Variants in TENM2 observed in about 807,000 individuals in gnomAD.
The protein encoded by TENM2 is teneurin transmembrane protein 2, also known as teneurin-2.
A neutral mutation model predicts 245.2 loss-of-function variants in TENM2; 52 were observed. The ratio of observed to expected loss-of-function variants is 0.21; its 90% CI spans 0.17 to 0.27. The LOEUF is 0.27. Ranked by LOEUF, TENM2 falls within the 10% of genes least tolerant of loss-of-function variation. The pLI is 1.00. For synonymous variants in TENM2, 1,363 were observed against 1,438.9 expected, an observed-to-expected ratio of 0.95 and a Z score of 1.19; for missense variants, 3,046 against 3,666.8, an observed-to-expected ratio of 0.83 and a Z score of 4.37.
chr5:166,982,237 A>G, the TENM2 span, among the ~76,000 whole-genome samples: 1 of 152,096 alleles, frequency 6.6e-6, no homozygotes, highest in African/African-American at 2.4e-5. Context: ...CTTGTCAATC[A>G]CATTTGGCTG....
chr5:167,607,733 A>G (rs1262664619), intron 2 of TENM2, among the ~76,000 whole-genome samples: 1 of 152,102 alleles, frequency 6.6e-6, no homozygotes, highest in Non-Finnish European at 1.5e-5. Flanking sequence ...ATATTTACTG[A>G]GCAGATACTG....
the TENM2 span, among the ~76,000 whole-genome samples, chr5:167,001,475 C>A: frequency 2.0e-5 from 3 of 151,356 alleles, no homozygotes; most frequent in Admixed American, 2.0e-4. Flanking sequence ...TGATGACATG[C>A]GGGAACATCT....
chr5:167,272,381 T>A, the TENM2 span, among the ~76,000 whole-genome samples: 1 of 152,162 alleles, frequency 6.6e-6, no homozygotes, highest in Non-Finnish European at 1.5e-5. Context: ...CAGAAAAGCA[T>A]GTCACCTGCA....
chr5:168,241,645 G>A (rs1766112915), intron 25 of TENM2, among the ~76,000 whole-genome samples: 1 of 152,018 alleles, frequency 6.6e-6, no homozygotes, highest in Non-Finnish European at 1.5e-5. Context: ...CAATGGTTTG[G>A]AGAATCTGTA....
chr5:167,022,208 C>T, the TENM2 span, among the ~76,000 whole-genome samples: 1 of 152,092 alleles, frequency 6.6e-6, no homozygotes, highest in Non-Finnish European at 1.5e-5. Context: ...GAAACAGAAA[C>T]ACAGTAATTG....
intron 27 of TENM2, among the ~76,000 whole-genome samples, chr5:168,258,500 CA>C (rs895510823): frequency 1.3e-5 from 2 of 148,462 alleles, no homozygotes; most frequent in African/African-American, 2.5e-5. Context: ...GGCTCAGTCT[CA>C]AAAAAAAACC....
intron 2 of TENM2, among the ~76,000 whole-genome samples, chr5:167,510,799 A>C (rs1769897714): frequency 6.6e-6 from 1 of 152,160 alleles, no homozygotes; most frequent in South Asian, 2.1e-4. Context: ...CTTAAATTGC[A>C]ATTGCAATAC....
At chr5:167,745,654 A>C (rs1761508182) in intron 2 of TENM2, among the ~76,000 whole-genome samples, 1 of 152,134 alleles carries the variant, frequency 6.6e-6, no homozygotes, top group African/African-American at 2.4e-5. Flanking sequence ...AAAATTCCCT[A>C]CTGGCCATTT....
At chr5:168,234,549 C>T (rs897301300) in intron 25 of TENM2, among the ~76,000 whole-genome samples, 13 of 152,170 alleles carry the variant, frequency 8.5e-5, no homozygotes, top group African/African-American at 2.4e-4. Context: ...AATCATAAGG[C>T]GAAACTCCTG....
chr5:167,215,147 G>T, the TENM2 span, among the ~76,000 whole-genome samples: 1 of 152,004 alleles, frequency 6.6e-6, no homozygotes, highest in Admixed American at 6.6e-5. Context: ...AGTGCTTCTT[G>T]CCCCCTGCTA....
the TENM2 span, among the ~76,000 whole-genome samples, chr5:167,148,235 T>C: frequency 6.6e-6 from 1 of 152,196 alleles, no homozygotes; most frequent in Non-Finnish European, 1.5e-5. Context: ...TCTCCTTGTG[T>C]ATGAAAGAGC....
the TENM2 span, among the ~76,000 whole-genome samples, chr5:167,195,970 A>G: frequency 1.2e-4 from 18 of 152,128 alleles, no homozygotes; most frequent in African/African-American, 4.3e-4. Flanking sequence ...ATCATTACCC[A>G]TCTTCAATGG....
chr5:168,018,799 A>G (rs1268471853), intron 5 of TENM2, among the ~76,000 whole-genome samples: 1 of 152,216 alleles, frequency 6.6e-6, no homozygotes, highest in African/African-American at 2.4e-5. Context: ...AGCATTCACT[A>G]AAAACTTCCT....
the TENM2 span, among the ~76,000 whole-genome samples, chr5:167,212,431 C>G: frequency 6.6e-6 from 1 of 152,156 alleles, no homozygotes; most frequent in Non-Finnish European, 1.5e-5. Context: ...TTGATGTATT[C>G]TTGAAAATTA....
At chr5:167,909,072 T>TCC (rs1561922836) in intron 3 of TENM2, among the ~76,000 whole-genome samples, 4 of 151,336 alleles carry the variant, frequency 2.6e-5, no homozygotes, top group African/African-American at 9.7e-5. Context: ...CTCTCTCTTT[T>TCC]TTTTTTTTTT....
intron 2 of TENM2, among the ~76,000 whole-genome samples, chr5:167,400,822 G>A (rs1327737236): frequency 6.6e-6 from 1 of 152,126 alleles, no homozygotes; most frequent in East Asian, 1.9e-4. Context: ...CATGCCATAA[G>A]CCACAAAATA....
the TENM2 span, among the ~76,000 whole-genome samples, chr5:167,118,495 C>T: frequency 9.8e-5 from 15 of 152,316 alleles, no homozygotes; most frequent in African/African-American, 2.9e-4. Context: ...TATCAGGTTT[C>T]TGAGAACCCT....
intron 2 of TENM2, among the ~76,000 whole-genome samples, chr5:167,503,646 C>T (rs910920100): frequency 6.6e-6 from 1 of 152,054 alleles, no homozygotes; most frequent in Non-Finnish European, 1.5e-5. Flanking sequence ...GTAATCCCAG[C>T]ACTTTCAGAG....
At position 168,112,939 on chromosome 5, in the gene TENM2, G is replaced by A. The variant is rs1053492454; in HGVS notation, c.1814-5353G>A. ...TATTGCTGACTAACTGGGATATAAG[G>A]CAACCAACTATTAGTGCTATTTTGA... On this transcript the variant is annotated intron_variant, in intron 9 of 28. Transcript: ENST00000518659. 3.9e-5 allele frequency among the ~76,000 whole-genome samples: 6 copies of A among 152,180 alleles called. No individual in the cohort carries two copies. The South Asian group carries it at 1.0e-3, about 26-fold the overall frequency.
Sources: allele counts gnomAD v4.1 joint callset (sites outside exome capture counted in the v4.1 genomes callset), GRCh38; gene constraint gnomAD v4.1.1; transcripts MANE v1.5; gene names NCBI Gene and HGNC (gene_info 2026-07-23, HGNC 2026-07-21).